The following BBX variants were observed in gnomAD, a reference collection of about 807,000 sequenced individuals.
BBX encodes the protein BBX high mobility group box domain containing.
In BBX, 30 loss-of-function variants were observed where a neutral mutation model predicts 100.2. That is an observed-to-expected ratio of 0.30 (90% CI 0.22 to 0.41). The LOEUF (loss-of-function observed/expected upper bound fraction) is 0.41, where lower values mean the gene tolerates loss of function less well. BBX is among the 10% of genes least tolerant of loss of function. BBX has a pLI of 1.00. For missense variants in BBX, 1,023 were observed against 1,129.8 expected (o/e 0.91, Z 1.35); for synonymous variants, 376 against 388.1 (o/e 0.97, Z 0.37).
intron 3 of BBX, among the ~76,000 whole-genome samples, chr3:107,698,993 A>G (rs562510415): frequency 6.6e-6 from 1 of 151,876 alleles, no homozygotes; most frequent in South Asian, 2.1e-4. Flanking sequence ...GGCAGGAGGA[A>G]TGGACTTCAG....
At chr3:107,783,813 C>T (rs976025551) in intron 13 of BBX, among the ~76,000 whole-genome samples, 1 of 151,954 alleles carries the variant, frequency 6.6e-6, no homozygotes, top group Non-Finnish European at 1.5e-5. Context: ...AATTTATTTT[C>T]TTTTCTCTTG....
chr3:107,761,676 A>G (rs1346255434), intron 10 of BBX, among the ~76,000 whole-genome samples: 2 of 152,178 alleles, frequency 1.3e-5, no homozygotes, highest in East Asian at 3.9e-4. Flanking sequence ...TGCTAGTAGA[A>G]AAGAAGAGCT....
chr3:107,621,844 A>G (rs1167541646), intron 2 of BBX, among the ~76,000 whole-genome samples: 1 of 152,212 alleles, frequency 6.6e-6, no homozygotes, highest in Non-Finnish European at 1.5e-5. Flanking sequence ...CAATGAACTG[A>G]TACAGCTCAT....
At chr3:107,748,169 C>T (rs1344796856) in intron 9 of BBX, 130 bp downstream of exon 9, 1 of 666,708 alleles carries the variant, frequency 1.5e-6, no homozygotes, top group Admixed American at 3.4e-5. Context: ...ATACACATAA[C>T]AGAATATTTA....
chr3:107,668,751 C>G (rs1462283324), intron 3 of BBX, among the ~76,000 whole-genome samples: 5 of 152,168 alleles, frequency 3.3e-5, no homozygotes, highest in African/African-American at 4.8e-5. Flanking sequence ...AGTACGTTTC[C>G]TTTTCTTTCA....
At chr3:107,736,709 C>T (rs1182782297) in intron 7 of BBX, among the ~76,000 whole-genome samples, 2 of 151,958 alleles carry the variant, frequency 1.3e-5, no homozygotes, top group African/African-American at 2.4e-5. Context: ...TGATATAATT[C>T]AGATTGTGGA....
At chr3:107,672,687 A>G (rs886581847) in intron 3 of BBX, among the ~76,000 whole-genome samples, 1 of 152,026 alleles carries the variant, frequency 6.6e-6, no homozygotes, top group African/African-American at 2.4e-5. Context: ...GGATCTTATG[A>G]TAAGTATTTA....
At chr3:107,652,018 C>A (rs1476641667) in intron 3 of BBX, among the ~76,000 whole-genome samples, 2 of 152,204 alleles carry the variant, frequency 1.3e-5, no homozygotes, top group Non-Finnish European at 2.9e-5. Context: ...CTCCCTTGGA[C>A]ACCTAAGTGC....
intron 2 of BBX, among the ~76,000 whole-genome samples, chr3:107,595,887 A>T (rs1269683199): frequency 6.6e-6 from 1 of 152,196 alleles, no homozygotes. Context: ...CCTACTATTG[A>T]CTGGAAGCCT....
intron 2 of BBX, among the ~76,000 whole-genome samples, chr3:107,553,960 G>A (rs905086220): frequency 3.3e-5 from 5 of 151,722 alleles, no homozygotes; most frequent in African/African-American, 1.2e-4. Flanking sequence ...TTTTCTTCTG[G>A]ATTCTCCAGA....
intron 3 of BBX, among the ~76,000 whole-genome samples, chr3:107,699,477 C>G (rs2060892675): frequency 6.6e-6 from 1 of 151,774 alleles, no homozygotes; most frequent in Non-Finnish European, 1.5e-5. Context: ...CATTGAGGGA[C>G]TATTAAAGAG....
At chr3:107,763,132 A>C (rs561090505) in intron 10 of BBX, among the ~76,000 whole-genome samples, 2 of 152,242 alleles carry the variant, frequency 1.3e-5, no homozygotes, top group African/African-American at 4.8e-5. Flanking sequence ...AAAGTCCAAA[A>C]TCTGAGACAC....
chr3:107,633,559 G>A (rs1241928355), intron 2 of BBX, among the ~76,000 whole-genome samples: 2 of 152,182 alleles, frequency 1.3e-5, no homozygotes, highest in African/African-American at 2.4e-5. Flanking sequence ...AGGCATCATG[G>A]TTTCCAGCTC....
chr3:107,607,179 C>G (rs538334764), intron 2 of BBX, among the ~76,000 whole-genome samples: 2 of 152,258 alleles, frequency 1.3e-5, no homozygotes, highest in South Asian at 4.1e-4. Context: ...TCACTGCAAC[C>G]TCCATCTCCT....
At chr3:107,775,214 A>G (rs1245786147) in intron 12 of BBX, among the ~76,000 whole-genome samples, 1 of 152,198 alleles carries the variant, frequency 6.6e-6, no homozygotes, top group Non-Finnish European at 1.5e-5. Flanking sequence ...TACATACTAT[A>G]TGTATTTATT....
chr3:107,654,673 GT>G (rs1489524330), intron 3 of BBX, among the ~76,000 whole-genome samples: 1 of 152,030 alleles, frequency 6.6e-6, no homozygotes, highest in Non-Finnish European at 1.5e-5. Context: ...TAAAAAATAT[GT>G]TTTTGTTTTG....
intron 2 of BBX, among the ~76,000 whole-genome samples, chr3:107,630,033 T>C (rs1411039350): frequency 3.3e-5 from 5 of 152,166 alleles, no homozygotes; most frequent in Non-Finnish European, 7.4e-5. Context: ...TCCTCTGAGC[T>C]CATCAGTCAC....
At chr3:107,747,933 T>C (rs372221320) in intron 8 of BBX, 32 bp from the exon 9 acceptor site, 9 of 1,556,416 alleles carry the variant, frequency 5.8e-6, no homozygotes, top group Non-Finnish European at 6.2e-6. Context: ...AAAAATGTCA[T>C]TGTATATTAA....
intron 14 of BBX, among the ~76,000 whole-genome samples, 162 bp downstream of exon 14, chr3:107,790,038 C>T (rs1347742875): frequency 2.0e-5 from 3 of 152,112 alleles, no homozygotes; most frequent in African/African-American, 7.2e-5. Flanking sequence ...CCGGACTCTG[C>T]AGCTAATGCA....
Sources: allele counts gnomAD v4.1 joint callset (sites outside exome capture counted in the v4.1 genomes callset), GRCh38; gene constraint gnomAD v4.1.1; transcripts MANE v1.5; gene names NCBI Gene and HGNC (gene_info 2026-07-23, HGNC 2026-07-21).